Variants in ERICH6B observed in about 807,000 individuals in gnomAD.
ERICH6B encodes the protein glutamate rich 6B, also known as glutamate-rich protein 6B.
Under a neutral mutation model 80.0 loss-of-function variants are expected in ERICH6B, and 69 were observed. The observed-to-expected ratio is 0.86, with a 90% CI of 0.71 to 1.05. The LOEUF is 1.05. Among genes scored for constraint, ERICH6B ranks in the 50% least tolerant of loss-of-function variants. The probability of loss-of-function intolerance (pLI) is 0.00; values close to 1 mark genes in which losing one functional copy is unlikely to be tolerated. For missense variants in ERICH6B, 754 were observed against 796.1 expected (o/e 0.95, Z 0.64); for synonymous variants, 283 against 291.9 (o/e 0.97, Z 0.31).
intron 2 of ERICH6B, 49 bp from the exon 3 acceptor site, chr13:45,597,112 C>T: frequency 4.8e-6 from 6 of 1,252,074 alleles, no homozygotes; most frequent in Non-Finnish European, 5.4e-6. Context: ...ATAGCAAATG[C>T]ATATTGATTT....
chr13:45,541,875 G>A (rs1228527007), intron 14 of ERICH6B, among the ~76,000 whole-genome samples, 195 bp from the exon 15 acceptor site: 2 of 152,254 alleles, frequency 1.3e-5, no homozygotes, highest in African/African-American at 4.8e-5. Context: ...TGGTGTTGCA[G>A]TCAGGTGGAC....
chr13:45,566,238 A>G (rs886429950), intron 9 of ERICH6B, among the ~76,000 whole-genome samples: 2 of 152,260 alleles, frequency 1.3e-5, no homozygotes, highest in Non-Finnish European at 2.9e-5. Context: ...AGCAGAGCAT[A>G]AAATATCAGA....
chr13:45,564,735 T>G (rs1874841250), intron 9 of ERICH6B, among the ~76,000 whole-genome samples: 1 of 152,208 alleles, frequency 6.6e-6, no homozygotes, highest in South Asian at 2.1e-4. Context: ...TTACCTAGCC[T>G]ATTGGCACCT....
intron 7 of ERICH6B, among the ~76,000 whole-genome samples, chr13:45,577,062 A>G (rs1466337574): frequency 2.0e-5 from 3 of 152,008 alleles, no homozygotes; most frequent in African/African-American, 7.3e-5. Flanking sequence ...TATCAGGCCA[A>G]ATTCGAGTGG....
At chr13:45,568,227 G>C in intron 9 of ERICH6B, 88 bp downstream of exon 9, 1 of 1,375,282 alleles carries the variant, frequency 7.3e-7, no homozygotes. Context: ...GCTCTTTTTT[G>C]TTGATGGCTC....
intron 4 of ERICH6B, among the ~76,000 whole-genome samples, chr13:45,589,977 C>G (rs1055458380): frequency 1.3e-5 from 2 of 152,152 alleles, no homozygotes; most frequent in African/African-American, 2.4e-5. Flanking sequence ...TTATGGGTCC[C>G]CTACTTGGCA....
chr13:45,553,327 G>A (rs1285002422), intron 11 of ERICH6B, among the ~76,000 whole-genome samples: 1 of 152,312 alleles, frequency 6.6e-6, no homozygotes, highest in East Asian at 1.9e-4. Flanking sequence ...GGGGTGGAGG[G>A]TTGGGGCCAC....
intron 2 of ERICH6B, among the ~76,000 whole-genome samples, chr13:45,603,029 G>C (rs1197540916): frequency 2.0e-5 from 3 of 152,208 alleles, no homozygotes; most frequent in Non-Finnish European, 4.4e-5. Flanking sequence ...TCAGTCCAAG[G>C]CTGGAGGCTT....
chr13:45,545,810 G>A (rs575362077), intron 13 of ERICH6B, among the ~76,000 whole-genome samples: 8 of 152,246 alleles, frequency 5.3e-5, no homozygotes, highest in African/African-American at 1.2e-4. Flanking sequence ...AGGGCAGAGC[G>A]TGGCCTTGTT....
At chr13:45,547,863 A>G (rs1308287134) in intron 13 of ERICH6B, among the ~76,000 whole-genome samples, 1 of 151,816 alleles carries the variant, frequency 6.6e-6, no homozygotes, top group Non-Finnish European at 1.5e-5. Context: ...ACACTAGGCC[A>G]CCCCCCACTC....
chr13:45,560,963 A>G (rs1408986253), intron 11 of ERICH6B, among the ~76,000 whole-genome samples: 1 of 152,126 alleles, frequency 6.6e-6, no homozygotes, highest in Non-Finnish European at 1.5e-5. Flanking sequence ...CTAGGCTACT[A>G]GAGTACAGTG....
chr13:45,601,250 G>A (rs902304961), intron 2 of ERICH6B, among the ~76,000 whole-genome samples: 4 of 152,098 alleles, frequency 2.6e-5, no homozygotes, highest in Non-Finnish European at 4.4e-5. Context: ...AATAGTTCAT[G>A]AGTAAAATAT....
rs140524204 is a variant in ERICH6B, at chr13:45,606,774, G to A, written c.-59+790C>T. Reference sequence around the variant, plus strand: ...TCACCATATTGGCCAGCCTGGTCTCGAGCTCCTGACCTCAGGTGATCCGTC... The same window carrying A: ...TCACCATATTGGCCAGCCTGGTCTCAAGCTCCTGACCTCAGGTGATCCGTC... On this transcript the variant is annotated intron_variant, in intron 2 of 14. Coordinates refer to ENST00000298738, the MANE Select transcript of ERICH6B (RefSeq NM_182542.3). 2.3e-3 allele frequency among the ~76,000 whole-genome samples: 353 copies of A among 151,402 alleles called. 1 individual carries two copies. Among genetic ancestry groups the A allele is most frequent in the African/African-American group, 8.0e-3 (332 of 41,246 alleles).
intron 10 of ERICH6B, 65 bp downstream of exon 10, chr13:45,563,662 G>A (rs1386152010): frequency 7.2e-7 from 1 of 1,380,188 alleles, no homozygotes; most frequent in Non-Finnish European, 1.0e-6. Flanking sequence ...ATGCAGAAGG[G>A]GAGAGGCGGT....
At chr13:45,615,077 G>A (rs1395335385) in intron 1 of ERICH6B, among the ~76,000 whole-genome samples, 2 of 152,206 alleles carry the variant, frequency 1.3e-5, no homozygotes, top group African/African-American at 4.8e-5. Flanking sequence ...CTTTCAAGGA[G>A]GGTGACTTTG....
chr13:45,552,132 C>T (rs1874247848), intron 11 of ERICH6B, among the ~76,000 whole-genome samples: 1 of 152,112 alleles, frequency 6.6e-6, no homozygotes, highest in South Asian at 2.1e-4. Flanking sequence ...GTATAAAGGA[C>T]TTTTGGTTAT....
At chr13:45,553,400 C>T (rs568035364) in intron 11 of ERICH6B, among the ~76,000 whole-genome samples, 74 of 152,092 alleles carry the variant, frequency 4.9e-4, no homozygotes, top group African/African-American at 1.8e-3. Flanking sequence ...ATTCTTTGCC[C>T]AAAGAAAGCT....
At chr13:45,590,995 T>A (rs1185236094) in intron 3 of ERICH6B, among the ~76,000 whole-genome samples, 1 of 152,208 alleles carries the variant, frequency 6.6e-6, no homozygotes, top group Non-Finnish European at 1.5e-5. Context: ...ATGAAGGACA[T>A]CGGTCCAGCA....
chr13:45,568,849 TA>T (rs930670313), intron 8 of ERICH6B, among the ~76,000 whole-genome samples: 52 of 134,432 alleles, frequency 3.9e-4, no homozygotes, highest in African/African-American at 2.0e-3. Context: ...TCAATTTCCT[TA>T]AAATTTTTTT....
Sources: allele counts gnomAD v4.1 joint callset (sites outside exome capture counted in the v4.1 genomes callset), GRCh38; gene constraint gnomAD v4.1.1; transcripts MANE v1.5; gene names NCBI Gene and HGNC (gene_info 2026-07-23, HGNC 2026-07-21).